Variants in MACROD2 observed in about 807,000 individuals in gnomAD.
The protein encoded by MACROD2 is mono-ADP ribosylhydrolase 2.
Under a neutral mutation model 70.4 loss-of-function variants are expected in MACROD2, and 36 were observed. The ratio of observed to expected loss-of-function variants is 0.51; its 90% CI spans 0.39 to 0.68. The LOEUF (loss-of-function observed/expected upper bound fraction) is 0.68. Among genes scored for constraint, MACROD2 ranks in the 30% least tolerant of loss-of-function variants. The pLI, the probability that MACROD2 is intolerant of heterozygous loss-of-function variation, is 0.00. For synonymous variants in MACROD2, 172 were observed against 178.8 expected (o/e 0.96, Z 0.30); for missense variants, 496 against 538.4 (o/e 0.92, Z 0.78).
At chr20:14,469,721 C>T (rs418170) in intron 3 of MACROD2, among the ~76,000 whole-genome samples, 26,154 of 151,596 alleles carry the variant, frequency 0.17, 2,545 homozygotes, top group South Asian at 0.37. Context: ...ATCAATTCAC[C>T]TATTGATAAG....
At chr20:14,029,184 C>T (rs1168137549) in intron 2 of MACROD2, among the ~76,000 whole-genome samples, 1 of 152,176 alleles carries the variant, frequency 6.6e-6, no homozygotes, top group Non-Finnish European at 1.5e-5. Context: ...GAAAAAACAA[C>T]TAAGTTCTTA....
intron 5 of MACROD2, among the ~76,000 whole-genome samples, chr20:14,935,623 T>C (rs891984525): frequency 6.6e-6 from 1 of 152,148 alleles, no homozygotes; most frequent in South Asian, 2.1e-4. Flanking sequence ...TTTGGGAGTG[T>C]AGACTGGAAT....
At chr20:15,160,011 A>G (rs945532440) in intron 5 of MACROD2, among the ~76,000 whole-genome samples, 4 of 152,106 alleles carry the variant, frequency 2.6e-5, no homozygotes, top group African/African-American at 9.7e-5. Flanking sequence ...CTTAATAGGA[A>G]CAAAATGTTC....
At chr20:16,012,883 A>G (rs528746328) in intron 15 of MACROD2, among the ~76,000 whole-genome samples, 1 of 152,206 alleles carries the variant, frequency 6.6e-6, no homozygotes, top group Non-Finnish European at 1.5e-5. Flanking sequence ...GATAACCAAT[A>G]GAAGAGCTAG....
intron 4 of MACROD2, among the ~76,000 whole-genome samples, chr20:14,517,704 T>G (rs535857825): frequency 6.6e-6 from 1 of 152,262 alleles, no homozygotes; most frequent in East Asian, 1.9e-4. Context: ...TTTAATTTGA[T>G]GTATTGTATA....
At chr20:15,380,374 G>A (rs1287481785) in intron 6 of MACROD2, among the ~76,000 whole-genome samples, 1 of 150,614 alleles carries the variant, frequency 6.6e-6, no homozygotes, top group Non-Finnish European at 1.5e-5. Context: ...CATCCACAAA[G>A]AGGAAATAAA....
chr20:15,729,657 T>C (rs561658348), intron 8 of MACROD2, among the ~76,000 whole-genome samples: 67 of 152,246 alleles, frequency 4.4e-4, no homozygotes, highest in African/African-American at 1.5e-3. Context: ...CTTCTTTGTC[T>C]TTTTTGATTG....
intron 8 of MACROD2, among the ~76,000 whole-genome samples, chr20:15,519,836 G>C (rs2146527703): frequency 6.6e-6 from 1 of 152,288 alleles, no homozygotes; most frequent in African/African-American, 2.4e-5. Context: ...CTTGGAGTCA[G>C]GGATTAATGA....
chr20:14,025,011 T>A (rs555115361), intron 2 of MACROD2, among the ~76,000 whole-genome samples: 2 of 152,344 alleles, frequency 1.3e-5, no homozygotes, highest in Admixed American at 6.5e-5. Flanking sequence ...GGGCTTTTTT[T>A]GGTTAGTAGG....
intron 15 of MACROD2, among the ~76,000 whole-genome samples, chr20:16,027,590 G>A (rs1361781985): frequency 1.3e-5 from 2 of 152,184 alleles, no homozygotes; most frequent in Non-Finnish European, 2.9e-5. Context: ...TCAGCACTAA[G>A]TTCCTTCCTT....
chr20:14,266,430 C>T (rs528483220), intron 3 of MACROD2, among the ~76,000 whole-genome samples: 2 of 152,270 alleles, frequency 1.3e-5, no homozygotes, highest in Non-Finnish European at 2.9e-5. Flanking sequence ...TTCTTAGACT[C>T]ATTCCTTAAA....
intron 5 of MACROD2, among the ~76,000 whole-genome samples, chr20:14,903,860 C>G (rs1490273552): frequency 2.0e-5 from 3 of 152,120 alleles, no homozygotes; most frequent in Non-Finnish European, 2.9e-5. Flanking sequence ...CACTGATGTT[C>G]ATCTCACTGA....
intron 4 of MACROD2, among the ~76,000 whole-genome samples, chr20:14,668,614 T>C (rs2070761693): frequency 6.6e-6 from 1 of 152,166 alleles, no homozygotes; most frequent in African/African-American, 2.4e-5. Context: ...TTAAGGAAAA[T>C]CATATCTCAA....
chr20:15,131,521 A>G (rs2076105075), intron 5 of MACROD2, among the ~76,000 whole-genome samples: 1 of 152,114 alleles, frequency 6.6e-6, no homozygotes, highest in African/African-American at 2.4e-5. Flanking sequence ...GGGTAGAATA[A>G]TCATTGATAT....
chr20:14,086,380 ATG>A (rs1173821060), intron 3 of MACROD2, among the ~76,000 whole-genome samples: 1 of 152,228 alleles, frequency 6.6e-6, no homozygotes, highest in Non-Finnish European at 1.5e-5. Context: ...AATATTGTAA[ATG>A]AGAGGATATT....
At chr20:14,872,159 C>A (rs1443387123) in intron 5 of MACROD2, among the ~76,000 whole-genome samples, 1 of 152,088 alleles carries the variant, frequency 6.6e-6, no homozygotes, top group African/African-American at 2.4e-5. Flanking sequence ...ATTACTGGAT[C>A]AAATGAACCT....
chr20:14,842,791 C>T (rs1453449343), intron 5 of MACROD2, among the ~76,000 whole-genome samples: 1 of 152,032 alleles, frequency 6.6e-6, no homozygotes, highest in African/African-American at 2.4e-5. Flanking sequence ...ACTTGAAATG[C>T]CATCCATAGT....
chr20:15,510,542 T>C (rs2047485329), intron 8 of MACROD2, among the ~76,000 whole-genome samples: 1 of 152,216 alleles, frequency 6.6e-6, no homozygotes, highest in Non-Finnish European at 1.5e-5. Flanking sequence ...GCCAGGCTGC[T>C]GTTTCCGATA....
chr20:15,765,271 C>T (rs1459265670), intron 8 of MACROD2, among the ~76,000 whole-genome samples: 4 of 152,170 alleles, frequency 2.6e-5, no homozygotes, highest in South Asian at 2.1e-4. Context: ...GCAAACAAAA[C>T]GGCCTCTGCT....
Sources: allele counts gnomAD v4.1 joint callset (sites outside exome capture counted in the v4.1 genomes callset), GRCh38; gene constraint gnomAD v4.1.1; transcripts MANE v1.5; gene names NCBI Gene and HGNC (gene_info 2026-07-23, HGNC 2026-07-21).